The following LRP1B variants were observed in gnomAD, a reference collection of about 807,000 sequenced individuals.
LRP1B encodes the protein low-density lipoprotein receptor-related protein 1B.
LRP1B carries 217 observed loss-of-function variants against 556.6 expected under a neutral mutation model. The ratio of observed to expected loss-of-function variants is 0.39; its 90% CI spans 0.35 to 0.44. The LOEUF is 0.44. Ranked by LOEUF, LRP1B falls within the 20% of genes least tolerant of loss-of-function variation. LRP1B has a pLI of 1.00. For synonymous variants in LRP1B, 2,047 were observed against 1,865.8 expected, an observed-to-expected ratio of 1.10 and a Z score of -2.50; for missense variants, 5,053 against 5,620.8, an observed-to-expected ratio of 0.90 and a Z score of 3.23.
intron 43 of LRP1B, among the ~76,000 whole-genome samples, chr2:140,547,927 G>A: frequency 6.7e-6 from 1 of 149,658 alleles, no homozygotes; most frequent in African/African-American, 2.5e-5. Context: ...ATTCCAAACA[G>A]GACTCACTGG....
rs1490051265 is a variant in LRP1B, at chr2:140,514,785, C to T, written c.8150-13G>A. The T allele has an allele frequency of 6.4e-7, 1 of 1,574,202 alleles. No homozygotes were observed. The highest frequency in any genetic ancestry group is 2.3e-5 in the East Asian group (1 of 44,204). On this transcript the variant is annotated splice_polypyrimidine_tract_variant and intron_variant, in intron 50 of 90. Transcript: ENST00000389484. ...GAGCAAGAAGAATCTAGGAAACAAACAAAAGGAAAAAAAAAAATAGTTTGA... is the reference window on the plus strand; with the variant it reads ...GAGCAAGAAGAATCTAGGAAACAAATAAAAGGAAAAAAAAAAATAGTTTGA...
At chr2:140,491,345 T>C (rs914895754) in intron 57 of LRP1B, among the ~76,000 whole-genome samples, 7 of 152,084 alleles carry the variant, frequency 4.6e-5, no homozygotes, top group African/African-American at 7.2e-5. Flanking sequence ...CAGAATGTTA[T>C]GTACATATGT....
At chr2:142,126,075 A>G (rs745642922) in intron 1 of LRP1B, among the ~76,000 whole-genome samples, 1 of 151,906 alleles carries the variant, frequency 6.6e-6, no homozygotes, top group East Asian at 1.9e-4. Flanking sequence ...GCATTCTGCT[A>G]CTAAATGTAT....
intron 43 of LRP1B, among the ~76,000 whole-genome samples, chr2:140,575,082 G>A (rs978283021): frequency 2.6e-5 from 4 of 152,040 alleles, no homozygotes; most frequent in Admixed American, 6.5e-5. Context: ...TATACATTTC[G>A]CCCTGGGGAT....
chr2:140,892,298 T>C (rs1458912909), intron 23 of LRP1B, among the ~76,000 whole-genome samples: 4 of 152,026 alleles, frequency 2.6e-5, no homozygotes, highest in African/African-American at 9.7e-5. Context: ...ATGAAGTTCA[T>C]AGATGGGTGA....
intron 2 of LRP1B, among the ~76,000 whole-genome samples, chr2:141,707,940 T>G (rs1574266797): frequency 6.6e-6 from 1 of 152,202 alleles, no homozygotes; most frequent in African/African-American, 2.4e-5. Context: ...TTCTAACGTT[T>G]GCCACAGATT....
intron 1 of LRP1B, among the ~76,000 whole-genome samples, chr2:141,815,255 T>C (rs1696497099): frequency 6.6e-6 from 1 of 152,174 alleles, no homozygotes; most frequent in Non-Finnish European, 1.5e-5. Context: ...GGAAGAAAGT[T>C]AACATAGTCT....
At chr2:141,252,411 A>G (rs2105336327) in intron 4 of LRP1B, among the ~76,000 whole-genome samples, 1 of 152,278 alleles carries the variant, frequency 6.6e-6, no homozygotes, top group Non-Finnish European at 1.5e-5. Context: ...TCATAAACTC[A>G]GGTTTCTTCA....
At chr2:140,498,431 C>G (rs1238071406) in intron 55 of LRP1B, among the ~76,000 whole-genome samples, 1 of 151,780 alleles carries the variant, frequency 6.6e-6, no homozygotes, top group African/African-American at 2.4e-5. Flanking sequence ...TCCTTCCTAT[C>G]AAAATAAGAT....
At chr2:140,898,032 A>G (rs1694001161) in intron 23 of LRP1B, among the ~76,000 whole-genome samples, 2 of 152,152 alleles carry the variant, frequency 1.3e-5, no homozygotes, top group African/African-American at 4.8e-5. Context: ...GGAGCTGGCC[A>G]TAAAGAAATT....
intron 4 of LRP1B, among the ~76,000 whole-genome samples, chr2:141,254,078 G>A (rs934868585): frequency 3.3e-5 from 5 of 151,944 alleles, no homozygotes; most frequent in Admixed American, 3.3e-4. Flanking sequence ...CAATATTTAT[G>A]TTCATTATTA....
At chr2:140,674,002 G>T (rs1189772575) in intron 41 of LRP1B, among the ~76,000 whole-genome samples, 2 of 149,298 alleles carry the variant, frequency 1.3e-5, no homozygotes, top group Non-Finnish European at 3.0e-5. Flanking sequence ...AGGCTGGAGT[G>T]CAATGGGGCA....
chr2:140,826,361 C>G (rs1691508109), intron 31 of LRP1B, among the ~76,000 whole-genome samples: 1 of 152,060 alleles, frequency 6.6e-6, no homozygotes, highest in Admixed American at 6.6e-5. Context: ...TCCCACATCC[C>G]AAAAATATGC....
intron 1 of LRP1B, among the ~76,000 whole-genome samples, chr2:142,071,003 G>T (rs997000557): frequency 6.6e-6 from 1 of 151,776 alleles, no homozygotes. Context: ...ATTGAGAAAG[G>T]CGAAGTTAAT....
intron 41 of LRP1B, among the ~76,000 whole-genome samples, chr2:140,687,161 AG>A (rs1288194328): frequency 6.6e-6 from 1 of 152,094 alleles, no homozygotes; most frequent in Admixed American, 6.6e-5. Flanking sequence ...GATTTCTGAG[AG>A]AAGAGGAAAA....
intron 20 of LRP1B, among the ~76,000 whole-genome samples, chr2:140,947,169 A>G (rs1695571724): frequency 6.6e-6 from 1 of 152,222 alleles, no homozygotes; most frequent in African/African-American, 2.4e-5. Context: ...AATCTATTAT[A>G]AAAATAAAAT....
At chr2:141,465,804 C>A (rs1476222801) in intron 3 of LRP1B, among the ~76,000 whole-genome samples, 1 of 152,168 alleles carries the variant, frequency 6.6e-6, no homozygotes, top group African/African-American at 2.4e-5. Flanking sequence ...CCTCAGCCTC[C>A]CAAAGTGCTG....
chr2:141,752,595 T>G (rs960907522), intron 2 of LRP1B, among the ~76,000 whole-genome samples: 2 of 151,990 alleles, frequency 1.3e-5, no homozygotes, highest in Admixed American at 6.6e-5. Flanking sequence ...CTGGGTAGCT[T>G]TTAAGAACTC....
chr2:141,919,431 T>A (rs1210270870), intron 1 of LRP1B, among the ~76,000 whole-genome samples: 2 of 152,064 alleles, frequency 1.3e-5, no homozygotes, highest in Non-Finnish European at 2.9e-5. Flanking sequence ...TAATAAGTTA[T>A]TCTAAATTGG....
Sources: allele counts gnomAD v4.1 joint callset (sites outside exome capture counted in the v4.1 genomes callset), GRCh38; gene constraint gnomAD v4.1.1; transcripts MANE v1.5; gene names NCBI Gene and HGNC (gene_info 2026-07-23, HGNC 2026-07-21).